IRAG2: variants seen among roughly 807,000 people sequenced by gnomAD.
IRAG2 encodes the protein lymphoid restricted membrane protein.
In IRAG2, 45 loss-of-function variants were observed where a neutral mutation model predicts 69.9. The observed-to-expected ratio is 0.64, with a 90% CI of 0.51 to 0.83. IRAG2 has a LOEUF of 0.83. Among genes scored for constraint, IRAG2 ranks in the 40% least tolerant of loss-of-function variants. The probability of loss-of-function intolerance (pLI) is 0.00; values close to 1 mark genes in which losing one functional copy is unlikely to be tolerated. For synonymous variants in IRAG2, 193 were observed against 202.4 expected (o/e 0.95, Z 0.40); for missense variants, 520 against 587.0 (o/e 0.89, Z 1.18).
upstream of IRAG2, among the ~76,000 whole-genome samples, chr12:25,000,879 A>C (rs948592873): frequency 6.6e-6 from 1 of 152,234 alleles, no homozygotes. Flanking sequence ...TTACTGTACA[A>C]AGCAAGTTGG....
In IRAG2 at chr12:25,066,363, A is replaced by G; in HGVS notation, c.-206-2A>G. ...TTTTTATTTTTTTCTGTTCTACTGC[A>G]GATGCCTTATCTCTGGATAGTTTTA... On this transcript the variant is annotated splice_acceptor_variant, in intron 4 of 21. Transcript: ENST00000556887. LOFTEE classifies it low-confidence loss of function (5UTR_SPLICE). The G allele has an allele frequency of 2.5e-6, 1 of 401,110 alleles. No individual in the cohort carries two copies. The highest frequency in any genetic ancestry group is 3.6e-5 in the East Asian group (1 of 28,064). 24.8% of individuals were successfully genotyped at this position (401,110 alleles called of 1,614,324 possible).
At chr12:25,006,748 A>G (rs1213679154) in intron 2 of IRAG2, among the ~76,000 whole-genome samples, 1 of 152,170 alleles carries the variant, frequency 6.6e-6, no homozygotes, top group African/African-American at 2.4e-5. Context: ...CTGAAAAACT[A>G]CCAGTCACAT....
intron 11 of IRAG2, among the ~76,000 whole-genome samples, chr12:25,088,469 C>T (rs1592061591): frequency 6.6e-6 from 1 of 152,250 alleles, no homozygotes; most frequent in African/African-American, 2.4e-5. Context: ...AAAAGTAAAG[C>T]CCCTATTTAC....
chr12:25,103,737 C>T, intron 17 of IRAG2, 100 bp from the exon 18 acceptor site: 1 of 826,056 alleles, frequency 1.2e-6, no homozygotes, highest in South Asian at 1.6e-5. Flanking sequence ...CAGCTGTGGT[C>T]AAGTACACGG....
chr12:25,046,707 G>C (rs560268125), intron 16 of IRAG2, among the ~76,000 whole-genome samples: 1 of 152,220 alleles, frequency 6.6e-6, no homozygotes, highest in East Asian at 1.9e-4. Flanking sequence ...GGCATCCTAC[G>C]TTCATAGATT....
intron 19 of IRAG2, 72 bp from the exon 20 acceptor site, chr12:25,104,289 C>T: frequency 5.7e-6 from 6 of 1,049,180 alleles, no homozygotes; most frequent in Middle Eastern, 4.1e-4. Flanking sequence ...TTTACTTAAG[C>T]AGTAGGAAAT....
intron 2 of IRAG2, among the ~76,000 whole-genome samples, chr12:25,007,950 AT>A (rs992357483): frequency 1.3e-5 from 2 of 151,430 alleles, no homozygotes; most frequent in South Asian, 4.2e-4. Context: ...TTTTTATTTT[AT>A]TTTTTTTTAT....
chr12:25,059,720 T>C (rs1435618679), intron 1 of IRAG2, among the ~76,000 whole-genome samples: 1 of 152,154 alleles, frequency 6.6e-6, no homozygotes, highest in Admixed American at 6.5e-5. Context: ...AACAAACATC[T>C]GTTTTGCTCC....
intron 16 of IRAG2, among the ~76,000 whole-genome samples, chr12:25,038,703 T>A (rs966641982): frequency 1.3e-5 from 2 of 151,842 alleles, no homozygotes; most frequent in Non-Finnish European, 2.9e-5. Flanking sequence ...AGAGAAGGAA[T>A]TTGGAATTAC....
At chr12:25,072,929 G>C (rs1946427539) in intron 6 of IRAG2, among the ~76,000 whole-genome samples, 1 of 152,232 alleles carries the variant, frequency 6.6e-6, no homozygotes, top group Non-Finnish European at 1.5e-5. Context: ...AATTCTATTA[G>C]ACTGTCAAGC....
At chr12:24,999,940 C>T (rs577213285), upstream of IRAG2, among the ~76,000 whole-genome samples, 16 of 152,200 alleles carry the variant, frequency 1.1e-4, 1 homozygote, top group Non-Finnish European at 2.4e-4. Context: ...AAAAATTAGT[C>T]ATTGTTTATC....
chr12:25,106,602 T>G (rs2140280854), intron 20 of IRAG2, among the ~76,000 whole-genome samples: 2 of 64,240 alleles, frequency 3.1e-5, no homozygotes, highest in African/African-American at 1.0e-4. Flanking sequence ...TAACATTGGT[T>G]AATGATGAGA....
chr12:25,084,269 T>C (rs1947421836), intron 10 of IRAG2, among the ~76,000 whole-genome samples: 1 of 152,002 alleles, frequency 6.6e-6, no homozygotes, highest in Non-Finnish European at 1.5e-5. Flanking sequence ...GCTTGACTGT[T>C]GTCTCAGTTA....
chr12:25,074,280 A>G (rs1247256530), intron 6 of IRAG2, among the ~76,000 whole-genome samples: 1 of 152,242 alleles, frequency 6.6e-6, no homozygotes, highest in Non-Finnish European at 1.5e-5. Flanking sequence ...GAGGCAAGAC[A>G]CTGCCTCTCA....
chr12:25,024,699 T>C (rs1384267885), intron 8 of IRAG2, among the ~76,000 whole-genome samples: 1 of 152,224 alleles, frequency 6.6e-6, no homozygotes, highest in Non-Finnish European at 1.5e-5. Flanking sequence ...TAAAATTTCA[T>C]AGTGGATTGG....
intron 16 of IRAG2, among the ~76,000 whole-genome samples, chr12:25,042,912 T>C (rs757972403): frequency 6.6e-6 from 1 of 151,980 alleles, no homozygotes. Context: ...TAAAGTCCTT[T>C]TGCTTTCTCT....
chr12:25,099,958 C>A (rs1948650273), intron 15 of IRAG2, among the ~76,000 whole-genome samples: 1 of 130,482 alleles, frequency 7.7e-6, no homozygotes, highest in South Asian at 2.4e-4. Flanking sequence ...CGAGATCGTG[C>A]CATTGCACTC....
intron 15 of IRAG2, 129 bp downstream of exon 15, chr12:25,097,173 T>C (rs1948468418): frequency 1.3e-6 from 1 of 776,900 alleles, no homozygotes; most frequent in African/African-American, 1.8e-5. Flanking sequence ...CATATGCGTT[T>C]AATACATATG....
chr12:25,038,614 C>G (rs1944722634), intron 16 of IRAG2, among the ~76,000 whole-genome samples: 1 of 146,782 alleles, frequency 6.8e-6, no homozygotes, highest in South Asian at 2.1e-4. Context: ...GCACTCCAGC[C>G]TGGGTGACAG....
Sources: gnomAD v4.1 joint callset for allele counts (sites outside exome capture counted in the v4.1 genomes callset) on GRCh38, gnomAD v4.1.1 for gene constraint, MANE v1.5 for transcripts, NCBI Gene and HGNC (gene_info 2026-07-23, HGNC 2026-07-21) for gene names.